The following AKAP1 variants were observed in gnomAD, a reference collection of about 807,000 sequenced individuals.
AKAP1 encodes A-kinase anchoring protein 1.
A neutral mutation model predicts 79.8 loss-of-function variants in AKAP1; 32 were observed. That is an observed-to-expected ratio of 0.40 (90% CI 0.30 to 0.54). The LOEUF (loss-of-function observed/expected upper bound fraction) is 0.54, where lower values mean the gene tolerates loss of function less well. Ranked by LOEUF, AKAP1 falls within the 20% of genes least tolerant of loss-of-function variation. The pLI, the probability that AKAP1 is intolerant of heterozygous loss-of-function variation, is 0.47. For missense variants in AKAP1, 961 were observed against 1,138.9 expected (o/e 0.84, Z 2.25); for synonymous variants, 416 against 466.7 (o/e 0.89, Z 1.40).
rs757289842 is a variant in AKAP1, at chr17:57,106,415, G to T, written c.951G>T (p.Leu317Phe). Residue 317 changes from leucine to phenylalanine, a missense_variant, in exon 2 of 11, where the codon TTG becomes TTT. Coordinates refer to ENST00000337714, the MANE Select transcript of AKAP1 (RefSeq NM_003488.4). ...EESLDRNEEG[L>F]DRNEEGLDRN... is the part of the protein sequence containing the mutation. ...GCTTGGATAGAAATGAGGAGGGCTTGGATAGAAATGAGGAGGGCTTGGATA... is the reference window on the plus strand; with the variant it reads ...GCTTGGATAGAAATGAGGAGGGCTTTGATAGAAATGAGGAGGGCTTGGATA... 6.7e-7 allele frequency: 1 copy of T among 1,482,220 alleles called. No homozygotes were observed. Among genetic ancestry groups the T allele is most frequent in the Admixed American group, 1.7e-5 (1 of 58,244 alleles). 91.8% of individuals were successfully genotyped at this position (1,482,220 alleles called of 1,614,324 possible).
intron 6 of AKAP1, 51 bp downstream of exon 6, chr17:57,114,687 T>C: frequency 6.5e-7 from 1 of 1,549,730 alleles, no homozygotes; most frequent in Non-Finnish European, 8.8e-7. Flanking sequence ...GGTTGCCTGT[T>C]CTGCCCTGGA....
Position 57,112,613 on chromosome 17 carries a change from T to A in AKAP1, c.2098T>A (p.Ser700Thr). The A allele has an allele frequency of 6.2e-7, 1 of 1,611,022 alleles. No homozygotes were observed. Among genetic ancestry groups the A allele is most frequent in the South Asian group, 1.1e-5 (1 of 90,528 alleles). ...SLALPSLPMT[S>T]WLMLPDGITV... Reference sequence around the variant, plus strand: ...GGCACTGCCTTCTCTGCCGATGACATCCTGGGTGAGCGTGCTACTGGGTGA... The same window carrying A: ...GGCACTGCCTTCTCTGCCGATGACAACCTGGGTGAGCGTGCTACTGGGTGA... The change falls in exon 5 of 11, where the codon TCC becomes ACC. Residue 700 changes from serine to threonine, a missense_variant. By Grantham distance (58) the Ser-to-Thr change is moderately conservative (BLOSUM62 1). Coordinates refer to ENST00000337714, the MANE Select transcript of AKAP1 (RefSeq NM_003488.4).
intron 5 of AKAP1, among the ~76,000 whole-genome samples, 169 bp from the exon 6 acceptor site, chr17:57,114,290 T>C (rs1383925663): frequency 6.6e-6 from 1 of 152,188 alleles, no homozygotes; most frequent in Non-Finnish European, 1.5e-5. Context: ...TCGAACACTT[T>C]CTGTTGTTAA....
chr17:57,100,136 A>G (rs985732535), intron 1 of AKAP1, among the ~76,000 whole-genome samples: 1 of 152,180 alleles, frequency 6.6e-6, no homozygotes, highest in Non-Finnish European at 1.5e-5. Flanking sequence ...TAAAATAAGG[A>G]GAACTAGCCC....
Position 57,106,988 on chromosome 17 carries a change from A to G in AKAP1, c.1524A>G (p.Ser508=). 1 of 1,614,218 alleles carries G rather than the reference A, an allele frequency of 6.2e-7. No individual in the cohort carries two copies. The highest frequency in any genetic ancestry group is 8.5e-7 in the Non-Finnish European group (1 of 1,180,044). ...VPLVASPGHC[S]DSFSTSGLED... is the part of the protein sequence containing the mutation. ...TGGTGGCTTCTCCAGGACACTGCTC[A>G]GATTCTTTCAGCACTTCAGGGCTTG... is the stretch of plus-strand genomic sequence containing the variant. Residue 508 remains serine, a synonymous_variant, in exon 2 of 11, where the codon TCA becomes TCG. Coordinates refer to ENST00000337714, the MANE Select transcript of AKAP1 (RefSeq NM_003488.4).
In AKAP1 at chr17:57,105,826, C is replaced by T. The variant is rs1914816991; in HGVS notation, c.362C>T (p.Pro121Leu). 3.7e-6 allele frequency: 6 copies of T among 1,614,196 alleles called. No homozygotes were observed. The highest frequency in any genetic ancestry group is 4.2e-6 in the Non-Finnish European group (5 of 1,180,044). ...AACACCACAGACATGAGATTGCGAC[C>T]AGGAACACGCAGAGATGACAGTACA... ...LPNTTDMRLR[P>L]GTRRDDSTKL... is the part of the protein sequence containing the mutation. Residue 121 changes from proline to leucine, a missense_variant, in exon 2 of 11, where the codon CCA becomes CTA. By Grantham distance (98) the Pro-to-Leu change is moderately conservative. Transcript: ENST00000337714.
At position 57,098,172 on chromosome 17, in the gene AKAP1, G is replaced by A. The variant is rs750151226; in HGVS notation, c.-24-7269G>A. Reference sequence around the variant, plus strand: ...ATGCTGAGGCCTGTGGCTGTAGCACGTGCCTAACTTCAGCTCTGTGTGACC... The same window carrying A: ...ATGCTGAGGCCTGTGGCTGTAGCACATGCCTAACTTCAGCTCTGTGTGACC... On this transcript the variant is annotated intron_variant, in intron 1 of 10. Coordinates refer to ENST00000337714, the MANE Select transcript of AKAP1 (RefSeq NM_003488.4). Among the ~76,000 whole-genome samples the A allele has an allele frequency of 4.6e-5, 7 of 152,232 alleles. 1 individual carries two copies. The highest frequency in any genetic ancestry group is 7.2e-5 in the African/African-American group (3 of 41,452).
chr17:57,102,258 G>T (rs944817391), intron 1 of AKAP1, among the ~76,000 whole-genome samples: 10 of 151,896 alleles, frequency 6.6e-5, no homozygotes, highest in African/African-American at 2.4e-4. Context: ...TTTTGTTTTT[G>T]TTTTTTTAAT....
intron 1 of AKAP1, among the ~76,000 whole-genome samples, chr17:57,097,335 T>C (rs1206198672): frequency 6.6e-6 from 1 of 152,224 alleles, no homozygotes; most frequent in Non-Finnish European, 1.5e-5. Context: ...GATTCTTCCA[T>C]CAGAATCGTG....
intron 5 of AKAP1, 127 bp from the exon 6 acceptor site, chr17:57,114,332 C>A: frequency 8.9e-7 from 1 of 1,123,950 alleles, no homozygotes; most frequent in Non-Finnish European, 1.3e-6. Context: ...TTCTGGGTGC[C>A]ATGTTGTCTT....
chr17:57,116,928 G>T lies in AKAP1; in HGVS notation c.2500+1G>T. Reference sequence around the variant, plus strand: ...CTGGACAGTGTGATGCCCCTGTCAGGTAACAGCTGAGGCCTTTGGCTTGGG... The same window carrying T: ...CTGGACAGTGTGATGCCCCTGTCAGTTAACAGCTGAGGCCTTTGGCTTGGG... On this transcript the variant is annotated splice_donor_variant, in intron 8 of 10. Transcript: ENST00000337714. LOFTEE classifies it high-confidence loss of function. The T allele has an allele frequency of 6.2e-7, 1 of 1,614,038 alleles. No homozygotes were observed. The highest frequency in any genetic ancestry group is 1.7e-5 in the Admixed American group (1 of 60,030).
intron 6 of AKAP1, among the ~76,000 whole-genome samples, chr17:57,115,345 T>C (rs1366987591): frequency 1.3e-5 from 2 of 152,228 alleles, no homozygotes; most frequent in African/African-American, 4.8e-5. Context: ...TTAGTTTTCA[T>C]TGGCTTCTCT....
rs997110038 is a variant in AKAP1 at position 57,107,970 on chromosome 17, G to A, written c.1714+792G>A. On this transcript the variant is annotated intron_variant, in intron 2 of 10. Transcript: ENST00000337714. ...GTTGCAGCTCCACCCCCGGGAAAGCGGGGCACTTTGATAACGAGGTGTCCT... is the reference window on the plus strand; with the variant it reads ...GTTGCAGCTCCACCCCCGGGAAAGCAGGGCACTTTGATAACGAGGTGTCCT... 32 of 1,289,458 alleles carry A rather than the reference G, an allele frequency of 2.5e-5. 1 individual carries two copies. The highest frequency in any genetic ancestry group is 2.3e-4 in the African/African-American group (15 of 65,816). The allele number at this position is 1,289,458 out of a possible 1,614,324, so 79.9% of individuals were successfully genotyped here. A position where few individuals can be genotyped will look rare whatever the true frequency, so the allele number is the denominator to read the frequency against.
chr17:57,112,235 A>G (rs548779678), intron 4 of AKAP1, among the ~76,000 whole-genome samples: 2 of 152,224 alleles, frequency 1.3e-5, no homozygotes, highest in South Asian at 2.1e-4. Context: ...CCTGTGTGCA[A>G]TTCCCCCTTG....
chr17:57,094,054 C>T (rs1394230377), intron 1 of AKAP1: 3 of 151,978 alleles, frequency 2.0e-5, no homozygotes, highest in Non-Finnish European at 4.4e-5. Flanking sequence ...TTCTTCTCCT[C>T]TCCTAGTTAA....
intron 1 of AKAP1, chr17:57,085,657 A>T (rs1913397349): frequency 6.6e-6 from 1 of 151,922 alleles, no homozygotes; most frequent in South Asian, 2.1e-4. Context: ...CTCCTGACAG[A>T]TCGCGTGTGC....
Position 57,112,055 on chromosome 17 carries a change from G to C in AKAP1, c.1975+131G>C, listed in dbSNP as rs1915279958. ...TCTCATCCCAGGGAAGGGAGCATTA[G>C]GTATCTTCCCTGCAGCCTTTTCCCC... On this transcript the variant is annotated intron_variant, in intron 4 of 10. Coordinates refer to ENST00000337714, the MANE Select transcript of AKAP1 (RefSeq NM_003488.4). 4.0e-5 allele frequency: 49 copies of C among 1,235,878 alleles called. No homozygotes were observed. The East Asian group carries it at 1.2e-3, about 30-fold the overall frequency. The allele number at this position is 1,235,878 out of a possible 1,614,324, so 76.6% of individuals were successfully genotyped here.
intron 3 of AKAP1, among the ~76,000 whole-genome samples, chr17:57,110,676 TGTG>T (rs1271152231): frequency 6.6e-6 from 1 of 152,230 alleles, no homozygotes; most frequent in Non-Finnish European, 1.5e-5. Flanking sequence ...TCTTGCACCC[TGTG>T]GTTTTTAAAC....
chr17:57,100,741 A>G (rs1914455065), intron 1 of AKAP1, among the ~76,000 whole-genome samples: 1 of 152,190 alleles, frequency 6.6e-6, no homozygotes, highest in Non-Finnish European at 1.5e-5. Context: ...ACAGCAGGCC[A>G]CGGGCACACT....
Sources: gnomAD v4.1 joint callset for allele counts (sites outside exome capture counted in the v4.1 genomes callset) on GRCh38, gnomAD v4.1.1 for gene constraint, MANE v1.5 for transcripts, NCBI Gene and HGNC (gene_info 2026-07-23, HGNC 2026-07-21) for gene names.